Variants in ASXL3 observed in about 807,000 individuals in gnomAD.
The protein encoded by ASXL3 is putative Polycomb group protein ASXL3.
In ASXL3, 34 loss-of-function variants were observed where a neutral mutation model predicts 170.6. That is an observed-to-expected ratio of 0.20 (90% CI 0.15 to 0.27). The LOEUF is 0.27. ASXL3 is among the 10% of genes least tolerant of loss of function. ASXL3 has a pLI of 1.00. For missense variants in ASXL3, 2,592 were observed against 2,695.3 expected, an observed-to-expected ratio of 0.96 and a Z score of 0.85; for synonymous variants, 1,002 against 989.1, an observed-to-expected ratio of 1.01 and a Z score of -0.24.
At chr18:33,592,315 C>A (rs1195769144) in intron 1 of ASXL3, among the ~76,000 whole-genome samples, 1 of 152,110 alleles carries the variant, frequency 6.6e-6, no homozygotes, top group East Asian at 1.9e-4. Flanking sequence ...AAATAAAAAT[C>A]TTTCTCTGTC....
At chr18:33,685,185 TAGAA>T (rs1372397375) in intron 8 of ASXL3, among the ~76,000 whole-genome samples, 1 of 152,100 alleles carries the variant, frequency 6.6e-6, no homozygotes, top group Non-Finnish European at 1.5e-5. Flanking sequence ...AACATGAAAG[TAGAA>T]AGAATAGTTA....
intron 8 of ASXL3, among the ~76,000 whole-genome samples, chr18:33,716,987 A>G (rs1283685959): frequency 6.6e-6 from 1 of 151,776 alleles, no homozygotes; most frequent in African/African-American, 2.4e-5. Context: ...TTTCTAGGGT[A>G]TCTGTTCATC....
At chr18:33,718,846 C>A (rs907115801) in intron 8 of ASXL3, among the ~76,000 whole-genome samples, 2 of 151,906 alleles carry the variant, frequency 1.3e-5, no homozygotes, top group Non-Finnish European at 2.9e-5. Flanking sequence ...AGTCATAGGT[C>A]CTTCCCATAA....
chr18:33,579,926 G>C (rs1208011265), intron 1 of ASXL3, among the ~76,000 whole-genome samples: 1 of 152,196 alleles, frequency 6.6e-6, no homozygotes, highest in Non-Finnish European at 1.5e-5. Context: ...TTATGCTCAA[G>C]GAGAACATTT....
At chr18:33,656,895 T>C (rs1261149587) in intron 4 of ASXL3, among the ~76,000 whole-genome samples, 1 of 152,146 alleles carries the variant, frequency 6.6e-6, no homozygotes, top group African/African-American at 2.4e-5. Context: ...TTATTAAAAA[T>C]CATAGTTGAA....
intron 8 of ASXL3, among the ~76,000 whole-genome samples, chr18:33,683,906 A>G (rs985787828): frequency 2.0e-5 from 3 of 152,212 alleles, no homozygotes; most frequent in African/African-American, 7.2e-5. Context: ...AAATGCAGCA[A>G]TAAAAAGCCA....
chr18:33,670,641 TTTATG>T lies in ASXL3; in HGVS notation c.478-27_478-23del, dbSNP rs141877079. The T allele has an allele frequency of 0.025, 35,741 of 1,454,688 alleles. 513 individuals are homozygous for T. Among genetic ancestry groups the T allele is most frequent in the Non-Finnish European group, 0.03 (32,202 of 1,073,180 alleles). The allele number at this position is 1,454,688 out of a possible 1,614,324, so 90.1% of individuals were successfully genotyped here. A position where few individuals can be genotyped will look rare whatever the true frequency, so the allele number is the denominator to read the frequency against. On this transcript the variant is annotated intron_variant, in intron 5 of 11. Coordinates refer to ENST00000269197, the MANE Select transcript of ASXL3 (RefSeq NM_030632.3). ...TATGAGAAATTATTTTGGCTATATTTTTATGTTATATCTTTTTATTATGTTTTGTA... is the reference window on the plus strand; with the variant it reads ...TATGAGAAATTATTTTGGCTATATTTTTATATCTTTTTATTATGTTTTGTA...
intron 1 of ASXL3, among the ~76,000 whole-genome samples, chr18:33,591,214 T>C (rs1341108419): frequency 6.6e-6 from 1 of 152,206 alleles, no homozygotes; most frequent in Non-Finnish European, 1.5e-5. Context: ...GAATCAAATA[T>C]AGTGTTTCAG....
chr18:33,632,597 T>C (rs971440964), intron 2 of ASXL3, among the ~76,000 whole-genome samples: 3 of 152,212 alleles, frequency 2.0e-5, no homozygotes, highest in South Asian at 4.1e-4. Flanking sequence ...TTCTTCTCCT[T>C]TATCTCACAC....
At chr18:33,683,988 C>T (rs1387204584) in intron 8 of ASXL3, among the ~76,000 whole-genome samples, 1 of 152,150 alleles carries the variant, frequency 6.6e-6, no homozygotes, top group African/African-American at 2.4e-5. Context: ...TTTATGTTTG[C>T]AATTGCTCTC....
At chr18:33,610,997 A>C (rs143434301) in intron 2 of ASXL3, among the ~76,000 whole-genome samples, 1 of 152,092 alleles carries the variant, frequency 6.6e-6, no homozygotes, top group Non-Finnish European at 1.5e-5. Flanking sequence ...CTACATTATA[A>C]TTTTGTTAAA....
chr18:33,598,741 C>A (rs910781318), intron 1 of ASXL3, among the ~76,000 whole-genome samples: 3 of 152,098 alleles, frequency 2.0e-5, no homozygotes, highest in African/African-American at 7.2e-5. Flanking sequence ...GACATATGAA[C>A]CTCGATGACA....
chr18:33,650,835 G>T (rs1199797763), intron 4 of ASXL3, among the ~76,000 whole-genome samples: 2 of 152,036 alleles, frequency 1.3e-5, no homozygotes, highest in African/African-American at 4.8e-5. Flanking sequence ...GCTCACTTTT[G>T]CATCTTATTG....
chr18:33,658,190 C>T (rs1201062222), intron 4 of ASXL3, among the ~76,000 whole-genome samples: 2 of 152,114 alleles, frequency 1.3e-5, no homozygotes, highest in Admixed American at 6.6e-5. Context: ...CTTTCTTTAA[C>T]ATTAATTTTC....
Position 33,740,022 on chromosome 18 carries a change from A to G in ASXL3, c.2618A>G (p.Glu873Gly), listed in dbSNP as rs1207206871. 1 of 1,613,430 alleles carries G rather than the reference A, an allele frequency of 6.2e-7. No homozygotes were observed. The highest frequency in any genetic ancestry group is 2.2e-5 in the East Asian group (1 of 44,900). ...AATCATAGCGTCCTGCAAAGAACAG[A>G]AAAAAAAGTGTTACCTTCACCATTG... ...VKNHSVLQRTEKKVLPSPLEL... is the reference protein window; with the variant it reads ...VKNHSVLQRTGKKVLPSPLEL... The change falls in exon 11 of 12, where the codon GAA (glutamate) becomes GGA (glycine). Residue 873 changes from glutamate to glycine, a missense_variant. By Grantham distance (98) the Glu-to-Gly change is moderately conservative. Coordinates refer to ENST00000269197, the MANE Select transcript of ASXL3 (RefSeq NM_030632.3).
rs1207341778 is a variant in ASXL3, at chr18:33,745,424, G to C, written c.5576G>C (p.Cys1859Ser). The C allele has an allele frequency of 1.9e-6, 3 of 1,613,858 alleles. No homozygotes were observed. The African/African-American group carries it at 4.0e-5, about 22-fold the overall frequency. The change falls in exon 12 of 12, where the codon TGT (cysteine) becomes TCT (serine). Residue 1859 changes from cysteine to serine, a missense_variant. By Grantham distance (112) the Cys-to-Ser change is moderately radical (BLOSUM62 -1). This residue lies in a region of ASXL3 where 2,246 missense variants were observed against 2,219.6 expected (regional missense o/e 1.01). Coordinates refer to ENST00000269197, the MANE Select transcript of ASXL3 (RefSeq NM_030632.3). ...GAGCCAGATGTTAAAGGGGTGCCTTGTGTCATCAGTTCCGGCATCAGTCAG... is the reference window on the plus strand; with the variant it reads ...GAGCCAGATGTTAAAGGGGTGCCTTCTGTCATCAGTTCCGGCATCAGTCAG... ...LVEPDVKGVP[C>S]VISSGISQLG... is the part of the protein sequence containing the mutation.
intron 7 of ASXL3, 120 bp downstream of exon 7, chr18:33,671,986 C>T: frequency 8.9e-7 from 1 of 1,118,982 alleles, no homozygotes. Context: ...AATTTCCCTC[C>T]ATTTATCAAA....
In ASXL3 at chr18:33,743,116, C is replaced by G. The variant is rs375086096; in HGVS notation, c.3268C>G (p.Pro1090Ala). The change falls in exon 12 of 12, where the codon CCA (proline) becomes GCA (alanine). Residue 1090 changes from proline (P) to alanine (A), a missense_variant. Around this residue, in one of 4 missense-constraint regions of ASXL3, gnomAD observed 2,246 missense variants for 2,219.6 expected, o/e 1.01. Coordinates refer to ENST00000269197, the MANE Select transcript of ASXL3 (RefSeq NM_030632.3). Reference protein sequence around the residue: ...ASIVSGAMGSPGEGGKTRTLA... With the variant: ...ASIVSGAMGSAGEGGKTRTLA... ...CATTGTCTCTGGAGCCATGGGAAGT[C>G]CAGGAGAGGGTGGAAAGACGAGAAC... 2.3e-5 allele frequency: 37 copies of G among 1,613,528 alleles called. No individual in the cohort carries two copies. Among genetic ancestry groups the G allele is most frequent in the Non-Finnish European group, 3.0e-5 (35 of 1,179,794 alleles).
intron 2 of ASXL3, among the ~76,000 whole-genome samples, chr18:33,638,160 A>C (rs913743861): frequency 6.7e-6 from 1 of 148,374 alleles, no homozygotes; most frequent in African/African-American, 2.6e-5. Flanking sequence ...ACACGCACAT[A>C]GTGTGTGTAT....
Sources: gnomAD v4.1 joint callset for allele counts (sites outside exome capture counted in the v4.1 genomes callset) on GRCh38, gnomAD v4.1.1 for gene constraint, gnomAD v4.1.1 regional missense constraint, MANE v1.5 for transcripts, NCBI Gene and HGNC (gene_info 2026-07-23, HGNC 2026-07-21) for gene names.